Variants in AGBL4 observed in about 807,000 individuals in gnomAD.
AGBL4 encodes cytosolic carboxypeptidase 6.
A neutral mutation model predicts 66.4 loss-of-function variants in AGBL4; 58 were observed. The observed-to-expected ratio is 0.87, with a 90% CI of 0.71 to 1.09. The LOEUF (loss-of-function observed/expected upper bound fraction) is 1.09. Among genes scored for constraint, AGBL4 ranks in the 50% least tolerant of loss-of-function variants. AGBL4 has a pLI of 0.00. For synonymous variants in AGBL4, 234 were observed against 222.9 expected (o/e 1.05, Z -0.44); for missense variants, 579 against 631.0 (o/e 0.92, Z 0.88).
intron 2 of AGBL4, among the ~76,000 whole-genome samples, chr1:49,830,282 T>C (rs1302908357): frequency 6.6e-6 from 1 of 151,226 alleles, no homozygotes; most frequent in Non-Finnish European, 1.5e-5. Context: ...GCATGTTATC[T>C]CCTGACTTTT....
chr1:48,917,229 T>C (rs1653663306), intron 5 of AGBL4, among the ~76,000 whole-genome samples: 2 of 151,880 alleles, frequency 1.3e-5, no homozygotes, highest in Non-Finnish European at 2.9e-5. Flanking sequence ...AAGGATTAAT[T>C]TATTTAAAAT....
At chr1:49,219,645 AAATAG>A (rs1297036562) in intron 4 of AGBL4, among the ~76,000 whole-genome samples, 1 of 152,190 alleles carries the variant, frequency 6.6e-6, no homozygotes, top group Non-Finnish European at 1.5e-5. Context: ...ATCCCTAAAT[AAATAG>A]AATATTTGCT....
chr1:49,906,403 A>G (rs2148200988), intron 1 of AGBL4, among the ~76,000 whole-genome samples: 1 of 152,138 alleles, frequency 6.6e-6, no homozygotes, highest in East Asian at 1.9e-4. Flanking sequence ...AAAACTAAGG[A>G]CCATCACCGG....
At chr1:48,690,793 A>G (rs1646617613) in intron 6 of AGBL4, among the ~76,000 whole-genome samples, 1 of 152,166 alleles carries the variant, frequency 6.6e-6, no homozygotes. Flanking sequence ...CATGTCACAA[A>G]ATGTACTAAG....
chr1:48,623,840 G>A (rs1264703869), intron 9 of AGBL4, among the ~76,000 whole-genome samples: 1 of 152,158 alleles, frequency 6.6e-6, no homozygotes, highest in African/African-American at 2.4e-5. Flanking sequence ...TGGATGGAGT[G>A]GGTTAACTGG....
chr1:49,147,783 G>A (rs1411264081), intron 4 of AGBL4, among the ~76,000 whole-genome samples: 2 of 152,106 alleles, frequency 1.3e-5, no homozygotes, highest in African/African-American at 4.8e-5. Flanking sequence ...GCATGCTTGG[G>A]AAGAGCCTAT....
rs116935744 is a variant in AGBL4 at position 49,861,736 on chromosome 1, G to A, written c.35-10218C>T. 7.2e-5 allele frequency among the ~76,000 whole-genome samples: 11 copies of A among 152,294 alleles called. No individual in the cohort carries two copies. The East Asian group carries it at 9.7e-4, about 13-fold the overall frequency. ...TAGAAAGTAGGGGAAAAGATAAAGA[G>A]CCTCTGCCTGCTAATCCAGAGAATA... On this transcript the variant is annotated intron_variant, in intron 1 of 13. Transcript: ENST00000371839.
intron 3 of AGBL4, among the ~76,000 whole-genome samples, chr1:49,682,375 G>GCCTGGTGAA: frequency 6.6e-6 from 1 of 152,276 alleles, no homozygotes; most frequent in Admixed American, 6.5e-5. Context: ...CTGCACTCCA[G>GCCTGGTGAA]CCTGGTGAAA....
chr1:50,009,379 G>T (rs1329059449), intron 1 of AGBL4, among the ~76,000 whole-genome samples: 1 of 151,728 alleles, frequency 6.6e-6, no homozygotes, highest in Non-Finnish European at 1.5e-5. Flanking sequence ...CAATCAATAT[G>T]ATACATCATA....
In AGBL4 at chr1:49,942,116, C is replaced by G. The variant is rs1184566024; in HGVS notation, c.34+81647G>C. The stretch of plus-strand genomic sequence containing the variant: ...CACATTTATAATAGCATCAAAAATA[C>G]TTAGAAATAAATTCATTCAAGTAAA... On this transcript the variant is annotated intron_variant, in intron 1 of 13. Coordinates refer to ENST00000371839, the MANE Select transcript of AGBL4 (RefSeq NM_032785.4). Among the ~76,000 whole-genome samples, 7 of 152,070 alleles carry G rather than the reference C, an allele frequency of 4.6e-5. No individual in the cohort carries two copies. In the East Asian group the frequency reaches 1.4e-3, roughly 29 times the overall value.
In AGBL4 at chr1:48,663,243, T is replaced by C; in HGVS notation, c.635-2A>G. On this transcript the variant is annotated splice_acceptor_variant, in intron 6 of 13. Coordinates refer to ENST00000371839, the MANE Select transcript of AGBL4 (RefSeq NM_032785.4). LOFTEE classifies it high-confidence loss of function. ...GCTCTGCCCCTTCCCGGAGATTGTC[T>C]GTAAGATAAAATGAAAGATGGTTGC... 6.2e-7 allele frequency: 1 copy of C among 1,613,886 alleles called. No individual in the cohort carries two copies. The highest frequency in any genetic ancestry group is 8.5e-7 in the Non-Finnish European group (1 of 1,179,820).
chr1:48,634,246 C>T, intron 9 of AGBL4: 1 of 320,268 alleles, frequency 3.1e-6, no homozygotes, highest in Non-Finnish European at 5.8e-6. Flanking sequence ...TGGATACACT[C>T]CAATATATTT....
At chr1:49,698,923 G>C (rs1464099530) in intron 2 of AGBL4, among the ~76,000 whole-genome samples, 6 of 151,940 alleles carry the variant, frequency 3.9e-5, no homozygotes, top group Admixed American at 3.3e-4. Flanking sequence ...CTACAAATTT[G>C]TAGTTTCAAA....
At chr1:49,832,959 T>A (rs1055743950) in intron 2 of AGBL4, among the ~76,000 whole-genome samples, 1 of 152,004 alleles carries the variant, frequency 6.6e-6, no homozygotes, top group African/African-American at 2.4e-5. Flanking sequence ...TTCACTCTGA[T>A]GGTAGTTTCT....
chr1:48,894,449 T>C (rs757598646), intron 5 of AGBL4, among the ~76,000 whole-genome samples: 48 of 152,292 alleles, frequency 3.2e-4, no homozygotes, highest in Non-Finnish European at 3.4e-4. Flanking sequence ...CTGTATAAAG[T>C]CAGAAAGTCA....
At chr1:48,905,988 T>G (rs976832382) in intron 5 of AGBL4, among the ~76,000 whole-genome samples, 1 of 152,170 alleles carries the variant, frequency 6.6e-6, no homozygotes, top group Admixed American at 6.5e-5. Context: ...AGCTTACTTT[T>G]AAATGAAGGA....
chr1:49,333,740 G>C (rs1291954209), intron 3 of AGBL4, among the ~76,000 whole-genome samples: 1 of 152,066 alleles, frequency 6.6e-6, no homozygotes, highest in African/African-American at 2.4e-5. Context: ...TTAAAGACTG[G>C]GTTTTTCAAG....
At chr1:48,874,138 G>A (rs1019240527) in intron 5 of AGBL4, among the ~76,000 whole-genome samples, 9 of 152,162 alleles carry the variant, frequency 5.9e-5, no homozygotes, top group East Asian at 1.9e-4. Flanking sequence ...GCCAGCCATC[G>A]GGGGAGGACT....
intron 3 of AGBL4, among the ~76,000 whole-genome samples, chr1:49,474,223 T>G (rs1646804532): frequency 6.6e-6 from 1 of 152,118 alleles, no homozygotes; most frequent in African/African-American, 2.4e-5. Flanking sequence ...TTGGGCAGTA[T>G]GAACATTTTA....
Sources: allele counts gnomAD v4.1 joint callset (sites outside exome capture counted in the v4.1 genomes callset), GRCh38; gene constraint gnomAD v4.1.1; transcripts MANE v1.5; gene names NCBI Gene and HGNC (gene_info 2026-07-23, HGNC 2026-07-21).